The following EYS variants were observed in gnomAD, a reference collection of about 807,000 sequenced individuals.
EYS encodes EGF-like photoreceptor maintenance factor.
EYS carries 250 observed loss-of-function variants against 282.1 expected under a neutral mutation model. The ratio of observed to expected loss-of-function variants is 0.89; its 90% CI spans 0.80 to 0.98. The LOEUF is 0.98. Among genes scored for constraint, EYS ranks in the 50% least tolerant of loss-of-function variants. The pLI is 0.00. For missense variants in EYS, 4,016 were observed against 3,709.0 expected (o/e 1.08, Z -2.15); for synonymous variants, 1,355 against 1,282.9 (o/e 1.06, Z -1.20).
At position 65,343,719 on chromosome 6, in the gene EYS, G is replaced by A. The variant is rs1770284816; in HGVS notation, c.1599+319C>T. ...AAATGCATTTCATTATGATCTGTAA[G>A]CAAAAAAAGTGGCATAATCACAACT... is the stretch of plus-strand genomic sequence containing the variant. On this transcript the variant is annotated intron_variant, in intron 10 of 42. Transcript: ENST00000503581. Among the ~76,000 whole-genome samples, 10 of 151,004 alleles carry A rather than the reference G, an allele frequency of 6.6e-5. No homozygotes were observed. In the Admixed American group the frequency reaches 6.6e-4, roughly 10 times the overall value.
intron 31 of EYS, among the ~76,000 whole-genome samples, chr6:64,163,615 G>GA (rs1396460976): frequency 6.6e-6 from 1 of 152,054 alleles, no homozygotes; most frequent in Non-Finnish European, 1.5e-5. Context: ...ATTATGTGAA[G>GA]AATGTCATGC....
rs1186455675 is a variant in EYS at position 64,784,019 on chromosome 6, G to C, written c.3443+29359C>G. Among the ~76,000 whole-genome samples the C allele has an allele frequency of 2.0e-5, 3 of 152,038 alleles. No individual in the cohort carries two copies. In the East Asian group the frequency reaches 5.8e-4, roughly 29 times the overall value. The stretch of plus-strand genomic sequence containing the variant: ...TATGGTATGTTCATGACCTTACAGA[G>C]TTTATGTACATATTTTGAAGCTTAC... On this transcript the variant is annotated intron_variant, in intron 22 of 42. Coordinates refer to ENST00000503581, the MANE Select transcript of EYS (RefSeq NM_001142800.2).
chr6:65,521,179 G>T (rs1199246870), intron 2 of EYS, among the ~76,000 whole-genome samples: 1 of 152,124 alleles, frequency 6.6e-6, no homozygotes, highest in Admixed American at 6.6e-5. Context: ...TCATTTTAGA[G>T]ATGTAGAAAT....
chr6:64,768,991 G>C (rs1274902719), intron 22 of EYS, among the ~76,000 whole-genome samples: 1 of 152,030 alleles, frequency 6.6e-6, no homozygotes, highest in African/African-American at 2.4e-5. Context: ...TTGCTTCCTT[G>C]AGTCACCTTG....
rs562569769 is a variant in EYS, at chr6:65,637,881, G to T, written c.-333+1897C>A. Among the ~76,000 whole-genome samples the T allele has an allele frequency of 1.8e-4, 27 of 152,296 alleles. No homozygotes were observed. The South Asian group carries it at 5.6e-3, about 32-fold the overall frequency. On this transcript the variant is annotated intron_variant, in intron 2 of 42. Transcript: ENST00000503581. ...CAGCACCCCTCAACACAAACAGCCTGGGCACTGTGGACAGCATGTTGATGG... is the reference window on the plus strand; with the variant it reads ...CAGCACCCCTCAACACAAACAGCCTTGGCACTGTGGACAGCATGTTGATGG...
intron 12 of EYS, 51 bp from the exon 13 acceptor site, chr6:65,057,778 A>T (rs1156952089): frequency 9.0e-6 from 11 of 1,222,386 alleles, no homozygotes; most frequent in Admixed American, 2.0e-5. Context: ...ACAGGCATGT[A>T]TCAAGTCGTA....
chr6:64,124,773 A>G (rs1207235260), intron 31 of EYS, among the ~76,000 whole-genome samples: 1 of 152,224 alleles, frequency 6.6e-6, no homozygotes, highest in Non-Finnish European at 1.5e-5. Context: ...AAAACTCTTC[A>G]AATAATCAAA....
At chr6:65,408,530 T>G (rs9354237) in intron 5 of EYS, among the ~76,000 whole-genome samples, 2 of 151,948 alleles carry the variant, frequency 1.3e-5, no homozygotes, top group Non-Finnish European at 2.9e-5. Context: ...TCATAATATC[T>G]CCTTATAATC....
rs540910553 is a variant in EYS at position 64,029,454 on chromosome 6, C to T, written c.6726-30271G>A. 4.6e-5 allele frequency among the ~76,000 whole-genome samples: 7 copies of T among 152,334 alleles called. No homozygotes were observed. In the East Asian group the frequency reaches 9.6e-4, roughly 21 times the overall value. On this transcript the variant is annotated intron_variant, in intron 33 of 42. Transcript: ENST00000503581. ...ACTAGGTGCCAAAGGAAGTTTATGG[C>T]TATCGGACAACCGCCTACTTAGATA...
intron 26 of EYS, among the ~76,000 whole-genome samples, chr6:64,576,095 T>C (rs1484465822): frequency 1.3e-5 from 2 of 152,130 alleles, no homozygotes; most frequent in Non-Finnish European, 2.9e-5. Flanking sequence ...ATTGAACAAC[T>C]GAAGACCTTT....
chr6:65,285,129 T>C (rs981076449), intron 12 of EYS, among the ~76,000 whole-genome samples: 6 of 151,964 alleles, frequency 3.9e-5, no homozygotes, highest in African/African-American at 1.4e-4. Context: ...TTTTACAAAA[T>C]TGAGAAATAT....
chr6:64,022,652 T>C (rs575024736), intron 33 of EYS, among the ~76,000 whole-genome samples: 4 of 152,218 alleles, frequency 2.6e-5, no homozygotes, highest in African/African-American at 9.6e-5. Context: ...TGTTATTCTC[T>C]GCAAGCGTGG....
chr6:65,294,748 A>C (rs1768616659), intron 12 of EYS, among the ~76,000 whole-genome samples: 1 of 151,850 alleles, frequency 6.6e-6, no homozygotes, highest in African/African-American at 2.4e-5. Context: ...TTAACTATAT[A>C]TTTACTGATA....
At chr6:63,938,922 G>T (rs946801827) in intron 35 of EYS, among the ~76,000 whole-genome samples, 1 of 152,078 alleles carries the variant, frequency 6.6e-6, no homozygotes, top group African/African-American at 2.4e-5. Flanking sequence ...CTAAATAACA[G>T]AAATCAAAAG....
chr6:65,224,816 C>G (rs1411341781), intron 12 of EYS, among the ~76,000 whole-genome samples: 1 of 151,970 alleles, frequency 6.6e-6, no homozygotes, highest in Non-Finnish European at 1.5e-5. Flanking sequence ...ATAACCAAAA[C>G]AAACTGGACA....
At chr6:64,628,760 A>C (rs987802949) in intron 22 of EYS, among the ~76,000 whole-genome samples, 2 of 152,226 alleles carry the variant, frequency 1.3e-5, no homozygotes, top group Non-Finnish European at 1.5e-5. Flanking sequence ...TGCAAAGGAA[A>C]AAAACTACTT....
intron 12 of EYS, among the ~76,000 whole-genome samples, chr6:65,110,423 G>T (rs919749081): frequency 2.0e-5 from 3 of 152,088 alleles, no homozygotes; most frequent in African/African-American, 7.2e-5. Flanking sequence ...TACCAAAAAA[G>T]CTAGGAAAGT....
intron 14 of EYS, among the ~76,000 whole-genome samples, chr6:64,953,211 C>T (rs1402332265): frequency 1.3e-5 from 2 of 151,632 alleles, no homozygotes; most frequent in Admixed American, 6.6e-5. Context: ...GTCTTAGCCA[C>T]AATTTTTTAC....
At chr6:64,000,168 CTTTTTTTTTTTTTTTTTTTTTTTT>C (rs71551553) in intron 33 of EYS, among the ~76,000 whole-genome samples, 96 of 42,734 alleles carry the variant, frequency 2.2e-3, no homozygotes, top group African/African-American at 5.4e-3. Context: ...AGACATGGGA[CTTTTTTTTTTTTTTTTTTTTTTTT>C]TTTTTTTTTT....
Sources: allele counts gnomAD v4.1 joint callset (sites outside exome capture counted in the v4.1 genomes callset), GRCh38; gene constraint gnomAD v4.1.1; transcripts MANE v1.5; gene names NCBI Gene and HGNC (gene_info 2026-07-23, HGNC 2026-07-21).